Variants in GART observed in about 807,000 individuals in gnomAD.
GART encodes trifunctional purine biosynthetic protein adenosine-3.
A neutral mutation model predicts 107.2 loss-of-function variants in GART; 43 were observed. That is an observed-to-expected ratio of 0.40 (90% CI 0.31 to 0.52). The LOEUF (loss-of-function observed/expected upper bound fraction) is 0.52, where lower values mean the gene tolerates loss of function less well. Ranked by LOEUF, GART falls within the 20% of genes least tolerant of loss-of-function variation. The pLI is 0.52. For missense variants in GART, 1,107 were observed against 1,206.5 expected (o/e 0.92, Z 1.22); for synonymous variants, 434 against 427.0 (o/e 1.02, Z -0.20).
intron 11 of GART, chr21:33,524,074 A>T: frequency 4.1e-6 from 4 of 985,360 alleles, no homozygotes; most frequent in Non-Finnish European, 4.8e-6. Flanking sequence ...TGAATCAGTA[A>T]GAGGTCAAAA....
intron 9 of GART, 70 bp from the exon 10 acceptor site, chr21:33,528,405 G>T: frequency 6.4e-7 from 1 of 1,565,832 alleles, no homozygotes; most frequent in Non-Finnish European, 8.8e-7. Flanking sequence ...ATTCACTGGT[G>T]TACTAGCAGA....
chr21:33,534,539 A>G (rs1339671210), intron 4 of GART, 40 bp downstream of exon 4: 3 of 1,610,474 alleles, frequency 1.9e-6, no homozygotes, highest in Non-Finnish European at 1.7e-6. Flanking sequence ...TTAAATATCA[A>G]AACTAAACAA....
At chr21:33,531,383 T>C (rs972867242) in intron 6 of GART, 106 bp downstream of exon 6, 1 of 946,928 alleles carries the variant, frequency 1.1e-6, no homozygotes, top group Non-Finnish European at 1.6e-6. Flanking sequence ...GCTGGGTTTA[T>C]GTTTTTAGAT....
intron 18 of GART, among the ~76,000 whole-genome samples, chr21:33,508,024 A>G (rs940644385): frequency 1.3e-5 from 2 of 152,156 alleles, no homozygotes; most frequent in African/African-American, 4.8e-5. Context: ...CATACAAATT[A>G]AAAATTAAAA....
At chr21:33,509,106 T>C (rs574643979) in intron 18 of GART, 15 of 152,338 alleles carry the variant, frequency 9.8e-5, no homozygotes, top group Non-Finnish European at 1.8e-4. Context: ...TCAGAGCTGG[T>C]TGTGGTGCTG....
chr21:33,539,262 GGCCA>G lies in GART; in HGVS notation c.50_53del (p.Leu17ProfsTer53). 4 of 1,614,120 alleles carry G rather than the reference GGCCA, an allele frequency of 2.5e-6. No individual in the cohort carries two copies. The highest frequency in any genetic ancestry group is 3.4e-6 in the Non-Finnish European group (4 of 1,179,976). ...CATGATGAGACTGTGCAAGTTTCCA[GGCCA>G]GCGTATGTTCCCTTCCTCCACTGCC... On this transcript the variant is annotated frameshift_variant, in exon 2 of 22. Coordinates refer to ENST00000381815, the MANE Select transcript of GART (RefSeq NM_000819.5). LOFTEE classifies it high-confidence loss of function.
At chr21:33,540,857 A>C (rs2085400505) in intron 1 of GART, among the ~76,000 whole-genome samples, 1 of 152,194 alleles carries the variant, frequency 6.6e-6, no homozygotes, top group Admixed American at 6.5e-5. Flanking sequence ...TCATGAAAGA[A>C]TCCTATGAGG....
chr21:33,536,094 T>C (rs568963295), intron 2 of GART, among the ~76,000 whole-genome samples: 23 of 152,084 alleles, frequency 1.5e-4, no homozygotes, highest in South Asian at 6.2e-4. Flanking sequence ...TACAATACGC[T>C]GTAGGAACGC....
rs749742309 is a variant in GART at position 33,530,817 on chromosome 21, A to T, written c.665T>A (p.Leu222Gln). The T allele has an allele frequency of 6.5e-7, 1 of 1,541,660 alleles. No individual in the cohort carries two copies. The highest frequency in any genetic ancestry group is 2.2e-5 in the Admixed American group (1 of 45,990). ...MPPAQDHKRLLEGDGGPNTGG... is the reference protein window; with the variant it reads ...MPPAQDHKRLQEGDGGPNTGG... The stretch of plus-strand genomic sequence containing the variant: ...TGTGTTAGGGCCACCATCTCCCTCC[A>T]GTAATCGCTTATGGTCCTGTGCTGG... The change falls in exon 7 of 22, where the codon CTG becomes CAG. Residue 222 changes from leucine to glutamine, a missense_variant. Coordinates refer to ENST00000381815, the MANE Select transcript of GART (RefSeq NM_000819.5).
chr21:33,522,070 G>A (rs2084983409), intron 12 of GART, 118 bp downstream of exon 12: 1 of 716,686 alleles, frequency 1.4e-6, no homozygotes, highest in East Asian at 2.6e-5. Flanking sequence ...GCTTAAGCAG[G>A]GCAAAACTTA....
rs1215642958 is a variant in GART, at chr21:33,517,362, G to A, written c.1949C>T (p.Thr650Ile). The A allele has an allele frequency of 6.2e-7, 1 of 1,614,078 alleles. No homozygotes were observed. Among genetic ancestry groups the A allele is most frequent in the Admixed American group, 1.7e-5 (1 of 59,998 alleles). Residue 650 changes from threonine (T) to isoleucine (I), a missense_variant, in exon 15 of 22, where the codon ACT becomes ATT. By Grantham distance (89) the Thr-to-Ile change is moderately conservative. Transcript: ENST00000381815. The part of the protein sequence containing the change: ...SPAPDGCGDQ[T>I]LGDLLLTPTR... Reference sequence around the variant, plus strand: ...TTAAACATGAGGGAGTTTACCTAAAGTCTGGTCACCACAACCATCAGGTGC... The same window carrying A: ...TTAAACATGAGGGAGTTTACCTAAAATCTGGTCACCACAACCATCAGGTGC...
intron 4 of GART, among the ~76,000 whole-genome samples, chr21:33,532,661 C>T (rs1169328898): frequency 6.6e-6 from 1 of 152,178 alleles, no homozygotes; most frequent in Non-Finnish European, 1.5e-5. Flanking sequence ...TCATACAGTA[C>T]CTACAATTTT....
chr21:33,513,095 G>GTC (rs2084816269), intron 16 of GART, among the ~76,000 whole-genome samples: 2 of 122,902 alleles, frequency 1.6e-5, no homozygotes, highest in Non-Finnish European at 1.7e-5. Flanking sequence ...GTGTGTGTGT[G>GTC]TGTGTGTCTC....
Position 33,532,057 on chromosome 21 carries a change from G to A in GART, c.528+288C>T. 6.2e-6 allele frequency: 2 copies of A among 324,442 alleles called. 1 individual carries two copies. Among genetic ancestry groups the A allele is most frequent in the South Asian group, 9.5e-5 (2 of 20,974 alleles). 20.1% of individuals were successfully genotyped at this position (324,442 alleles called of 1,614,324 possible). ...GACAAATACTTTTGTCCTCATGGAT[G>A]GCTTGATAATTTATTTATATGTTCT... On this transcript the variant is annotated intron_variant, in intron 5 of 21. Transcript: ENST00000381815.
chr21:33,523,598 G>C (rs966711139), intron 11 of GART, among the ~76,000 whole-genome samples: 1 of 152,058 alleles, frequency 6.6e-6, no homozygotes, highest in African/African-American at 2.4e-5. Flanking sequence ...AATTACGTTG[G>C]TAAAAAAATT....
chr21:33,519,909 A>G (rs1025863899), intron 14 of GART, among the ~76,000 whole-genome samples: 2 of 152,034 alleles, frequency 1.3e-5, no homozygotes, highest in Non-Finnish European at 2.9e-5. Context: ...TTTCATGTAT[A>G]AAGATACTTC....
At chr21:33,505,412 T>C (rs1344605813) in intron 20 of GART, 149 bp downstream of exon 20, 3 of 553,438 alleles carry the variant, frequency 5.4e-6, no homozygotes, top group Admixed American at 7.5e-5. Context: ...AACTGTGACC[T>C]GTGTTAAAGT....
At chr21:33,535,387 G>C (rs2085285035) in intron 2 of GART, 67 bp from the exon 3 acceptor site, 2 of 994,514 alleles carry the variant, frequency 2.0e-6, no homozygotes, top group African/African-American at 3.4e-5. Context: ...AGTAAACTAA[G>C]TGTCTCACTA....
intron 20 of GART, among the ~76,000 whole-genome samples, chr21:33,505,040 G>C (rs1351229406): frequency 6.6e-6 from 1 of 152,178 alleles, no homozygotes; most frequent in African/African-American, 2.4e-5. Context: ...CCAACTGTGT[G>C]CACACATACA....
Sources: gnomAD v4.1 joint callset for allele counts (sites outside exome capture counted in the v4.1 genomes callset) on GRCh38, gnomAD v4.1.1 for gene constraint, MANE v1.5 for transcripts, NCBI Gene and HGNC (gene_info 2026-07-23, HGNC 2026-07-21) for gene names.